Variants in RBM44 observed in about 807,000 individuals in gnomAD.
RBM44 encodes RNA-binding protein 44.
A neutral mutation model predicts 105.1 loss-of-function variants in RBM44; 66 were observed. The observed-to-expected ratio is 0.63, with a 90% CI of 0.52 to 0.77. The LOEUF (loss-of-function observed/expected upper bound fraction) is 0.77. Among genes scored for constraint, RBM44 ranks in the 30% least tolerant of loss-of-function variants. The probability of loss-of-function intolerance (pLI) is 0.00; values close to 1 mark genes in which losing one functional copy is unlikely to be tolerated. For missense variants in RBM44, 1,122 were observed against 1,207.8 expected (o/e 0.93, Z 1.05); for synonymous variants, 365 against 417.6 (o/e 0.87, Z 1.54).
chr2:237,816,862 G>T (rs571293950), intron 2 of RBM44, 131 bp from the exon 3 acceptor site: 2 of 590,068 alleles, frequency 3.4e-6, no homozygotes, highest in Admixed American at 6.7e-5. Flanking sequence ...TACTGAAAGG[G>T]ATATTTTTCA....
chr2:237,828,883 T>TTTTTTTTTTTTTTTTTTTTTTTTTTTG (rs1350525053), intron 12 of RBM44, among the ~76,000 whole-genome samples: 1 of 152,078 alleles, frequency 6.6e-6, no homozygotes, highest in Non-Finnish European at 1.5e-5. Flanking sequence ...TTTAGGTTTT[T>TTTTTTTTTTTTTTTTTTTTTTTTTTTG]AAGTTATGGA....
intron 15 of RBM44, among the ~76,000 whole-genome samples, chr2:237,838,186 G>A (rs2061978098): frequency 6.6e-6 from 1 of 152,176 alleles, no homozygotes. Flanking sequence ...AAAGCAGCTG[G>A]AGGGAGAAAG....
chr2:237,837,831 C>T (rs1299495449), intron 15 of RBM44, among the ~76,000 whole-genome samples: 2 of 151,230 alleles, frequency 1.3e-5, no homozygotes, highest in Non-Finnish European at 3.0e-5. Flanking sequence ...TCTTGAGATG[C>T]AGTCTACTAC....
At chr2:237,832,046 G>A (rs2061909294) in intron 13 of RBM44, among the ~76,000 whole-genome samples, 1 of 151,998 alleles carries the variant, frequency 6.6e-6, no homozygotes, top group Admixed American at 6.6e-5. Context: ...CTCTGCTCAT[G>A]ACTGCTTTCT....
chr2:237,801,859 CTGTCTTATTTAACCCCAAT>C (rs1200427650), intron 1 of RBM44, among the ~76,000 whole-genome samples: 1 of 152,100 alleles, frequency 6.6e-6, no homozygotes, highest in African/African-American at 2.4e-5. Context: ...GTCTACTTAA[CTGTCTTATTTAACCCCAAT>C]TGTCTTATTT....
chr2:237,826,052 G>A (rs543915766), intron 10 of RBM44, among the ~76,000 whole-genome samples: 23 of 152,192 alleles, frequency 1.5e-4, no homozygotes, highest in Middle Eastern at 3.4e-3. Flanking sequence ...ACCTTGTGGC[G>A]TGGTTGTGAG....
In RBM44 at chr2:237,803,881, G is replaced by C. The variant is rs542806245; in HGVS notation, c.-19+5020G>C. 4.0e-4 allele frequency among the ~76,000 whole-genome samples: 60 copies of C among 151,238 alleles called. No homozygotes were observed. The highest frequency in any genetic ancestry group is 1.4e-3 in the African/African-American group (58 of 41,108). On this transcript the variant is annotated intron_variant, in intron 1 of 15. Transcript: ENST00000316997. The surrounding 1 kb of genome is among the most constrained non-coding windows in gnomAD (Gnocchi z 4.2). The stretch of plus-strand genomic sequence containing the variant: ...AGTACCATTTATTGAATATGCCTTA[G>C]ACCTTTTTTTTTTTTCTTTTTTTTG...
intron 15 of RBM44, among the ~76,000 whole-genome samples, chr2:237,837,390 G>T (rs890164423): frequency 2.0e-5 from 3 of 152,152 alleles, no homozygotes; most frequent in Non-Finnish European, 4.4e-5. Flanking sequence ...ATGGAAAGGA[G>T]TCACCATTCT....
intron 1 of RBM44, among the ~76,000 whole-genome samples, chr2:237,810,694 A>G (rs1189545748): frequency 6.6e-6 from 1 of 152,166 alleles, no homozygotes; most frequent in African/African-American, 2.4e-5. Flanking sequence ...GCTTAGGGAT[A>G]TTTATGGGTT....
Position 237,817,901 on chromosome 2 carries a change from A to G in RBM44, c.982A>G (p.Thr328Ala), listed in dbSNP as rs977013306. Reference protein sequence around the residue: ...PQKVLKMKIYTENMKSQINEG... With the variant: ...PQKVLKMKIYAENMKSQINEG... ...AAAAGTATTAAAAATGAAAATTTAT[A>G]CTGAAAACATGAAATCTCAAATAAA... Residue 328 changes from threonine (T) to alanine (A), a missense_variant, in exon 3 of 16, where the codon ACT becomes GCT. Physicochemically the swap from Thr to Ala is moderately conservative, Grantham distance 58 (BLOSUM62 0). This residue lies in a region of RBM44 where 918 missense variants were observed against 955.3 expected (regional missense o/e 0.96). Coordinates refer to ENST00000316997, the MANE Select transcript of RBM44 (RefSeq NM_001080504.3). 1.9e-6 allele frequency: 3 copies of G among 1,597,086 alleles called. No homozygotes were observed. The highest frequency in any genetic ancestry group is 1.7e-4 in the Middle Eastern group (1 of 5,948).
At chr2:237,820,762 G>A (rs186537893) in intron 5 of RBM44, 52 of 273,020 alleles carry the variant, frequency 1.9e-4, no homozygotes, top group Non-Finnish European at 3.1e-4. Context: ...TTAGAACCAA[G>A]TGGGGTTGGG....
At chr2:237,837,796 A>G (rs539092352) in intron 15 of RBM44, among the ~76,000 whole-genome samples, 1 of 151,590 alleles carries the variant, frequency 6.6e-6, no homozygotes, top group South Asian at 2.1e-4. Flanking sequence ...GGTGTGAGCC[A>G]CTGTGCCCAG....
chr2:237,802,873 C>T (rs6431561), intron 1 of RBM44, among the ~76,000 whole-genome samples: 10,672 of 152,204 alleles, frequency 0.07, 536 homozygotes, highest in African/African-American at 0.14. Context: ...AGAAATTGCC[C>T]GGTTTCCAAA....
chr2:237,805,697 G>T (rs1452585045), intron 1 of RBM44, among the ~76,000 whole-genome samples: 2 of 152,200 alleles, frequency 1.3e-5, no homozygotes, highest in Non-Finnish European at 2.9e-5. Context: ...AGGTGCAGTG[G>T]CTCAGGCCTG....
At chr2:237,805,108 A>G (rs2061585662) in intron 1 of RBM44, among the ~76,000 whole-genome samples, 1 of 152,220 alleles carries the variant, frequency 6.6e-6, no homozygotes, top group African/African-American at 2.4e-5. Context: ...GTCTATTCCT[A>G]AAAGCTCCTA....
Position 237,829,284 on chromosome 2 carries a change from G to T in RBM44, c.2668G>T (p.Glu890Ter). 6.2e-7 allele frequency: 1 copy of T among 1,613,214 alleles called. No homozygotes were observed. The highest frequency in any genetic ancestry group is 8.5e-7 in the Non-Finnish European group (1 of 1,179,400). ...KIAVKEMNGI[E>*]INGKSVNVWP... ...AGCTGTGAAAGAAATGAATGGGATA[G>T]AAATAAATGGAAAGTCAGTAAATGT... Residue 890 changes from glutamate (E) to a stop codon, truncating the protein, a stop_gained, in exon 13 of 16, where the codon GAA becomes TAA. Coordinates refer to ENST00000316997, the MANE Select transcript of RBM44 (RefSeq NM_001080504.3). LOFTEE classifies it high-confidence loss of function.
At chr2:237,815,805 T>C (rs1170978783) in intron 2 of RBM44, among the ~76,000 whole-genome samples, 1 of 152,114 alleles carries the variant, frequency 6.6e-6, no homozygotes, top group East Asian at 1.9e-4. Context: ...ATGTCAGTTG[T>C]GGAACTTTCA....
At position 237,816,159 on chromosome 2, in the gene RBM44, A is replaced by C. The variant is rs571933323; in HGVS notation, c.74-834A>C. Among the ~76,000 whole-genome samples, 26 of 152,238 alleles carry C rather than the reference A, an allele frequency of 1.7e-4. No homozygotes were observed. The South Asian group carries it at 5.2e-3, about 30-fold the overall frequency. ...ATAATTTTGTCTATTTTGTTTCAAAACACTTTTTAAATACAAAGTTTTTCT... is the reference window on the plus strand; with the variant it reads ...ATAATTTTGTCTATTTTGTTTCAAACCACTTTTTAAATACAAAGTTTTTCT... On this transcript the variant is annotated intron_variant, in intron 2 of 15. Coordinates refer to ENST00000316997, the MANE Select transcript of RBM44 (RefSeq NM_001080504.3).
At chr2:237,809,165 A>AT (rs1018393790) in intron 1 of RBM44, among the ~76,000 whole-genome samples, 4 of 152,084 alleles carry the variant, frequency 2.6e-5, no homozygotes, top group African/African-American at 9.7e-5. Context: ...TAGTCTATAT[A>AT]TTTTTTTAAT....
Sources: allele counts gnomAD v4.1 joint callset (sites outside exome capture counted in the v4.1 genomes callset), GRCh38; gene constraint gnomAD v4.1.1; regional missense constraint gnomAD v4.1.1; non-coding constraint Gnocchi (gnomAD v3.1); transcripts MANE v1.5; gene names NCBI Gene and HGNC (gene_info 2026-07-23, HGNC 2026-07-21).